ABCA10: variants seen among roughly 807,000 people sequenced by gnomAD.
The protein encoded by ABCA10 is ATP-binding cassette sub-family A member 10.
ABCA10 carries 169 observed loss-of-function variants against 187.5 expected under a neutral mutation model. The observed-to-expected ratio is 0.90, with a 90% confidence interval of 0.80 to 1.02. The LOEUF is 1.02. Ranked by LOEUF, ABCA10 falls within the 50% of genes least tolerant of loss-of-function variation. The probability of loss-of-function intolerance (pLI) is 0.00; values close to 1 mark genes in which losing one functional copy is unlikely to be tolerated. For synonymous variants in ABCA10, 574 were observed against 601.8 expected (o/e 0.95, Z 0.68); for missense variants, 1,727 against 1,812.4 (o/e 0.95, Z 0.86).
Position 69,152,066 on chromosome 17 carries a change from G to A in ABCA10, c.4374C>T (p.Phe1458=). The stretch of plus-strand genomic sequence containing the variant: ...ACCTTTCCTGCCAAGCAGCCTGTGG[G>A]AAAAGCTTCAAAATCTCTGTGTGGA... The part of the protein sequence containing the change: ...EALHTEILKL[F]PQAAWQERYS... Residue 1458 remains phenylalanine (F), a synonymous_variant, in exon 36 of 39, where the codon TTC becomes TTT. Coordinates refer to ENST00000690296, the MANE Select transcript of ABCA10 (RefSeq NM_001377321.1). 1.2e-6 allele frequency: 2 copies of A among 1,611,196 alleles called. No individual in the cohort carries two copies. The highest frequency in any genetic ancestry group is 2.2e-5 in the South Asian group (2 of 90,238).
chr17:69,162,808 T>TATAC (rs1416496054), intron 27 of ABCA10, among the ~76,000 whole-genome samples: 6 of 126,294 alleles, frequency 4.8e-5, no homozygotes, highest in African/African-American at 1.6e-4. Context: ...AAAAATTACA[T>TATAC]ATATACATAT....
intron 9 of ABCA10, among the ~76,000 whole-genome samples, chr17:69,205,660 G>A (rs1253741679): frequency 1.3e-5 from 2 of 152,094 alleles, no homozygotes; most frequent in Admixed American, 6.6e-5. Context: ...TGTGTGTTCT[G>A]GACTAAATAA....
chr17:69,153,232 C>A, intron 34 of ABCA10, 73 bp downstream of exon 34: 5 of 1,512,908 alleles, frequency 3.3e-6, no homozygotes, highest in Non-Finnish European at 4.4e-6. Flanking sequence ...AACAAAGAAA[C>A]AAAACAAAAA....
In ABCA10 at chr17:69,175,346, T is replaced by C. The variant is rs1014499397; in HGVS notation, c.2877+60A>G. On this transcript the variant is annotated intron_variant, in intron 23 of 38. Transcript: ENST00000690296. ...CTGTGTGTGTATAAAACAATAAAATTGCAATTACTACAGTCAAATAAAATC... is the reference window on the plus strand; with the variant it reads ...CTGTGTGTGTATAAAACAATAAAATCGCAATTACTACAGTCAAATAAAATC... 2.8e-6 allele frequency: 4 copies of C among 1,427,810 alleles called. No individual in the cohort carries two copies. In the African/African-American group the frequency reaches 5.7e-5, roughly 20 times the overall value. The allele number at this position is 1,427,810 out of a possible 1,614,324, so 88.4% of individuals were successfully genotyped here.
Position 69,193,857 on chromosome 17 carries a change from A to T in ABCA10, c.1478T>A (p.Phe493Tyr), listed in dbSNP as rs1318814475. The part of the protein sequence containing the change: ...FLTVRENLRV[F>Y]AKIKGIQPKE... ...TGGCTGAATCCCTTTTATTTTAGCA[A>T]ATACCCTGAGGTTTTCTCTCACAGT... Residue 493 changes from phenylalanine to tyrosine, a missense_variant, in exon 13 of 39, where the codon TTT becomes TAT. Phe to Tyr is a conservative substitution (Grantham distance 22, BLOSUM62 3). Transcript: ENST00000690296. 6.2e-7 allele frequency: 1 copy of T among 1,613,600 alleles called. No individual in the cohort carries two copies. Among genetic ancestry groups the T allele is most frequent in the Admixed American group, 1.7e-5 (1 of 59,992 alleles).
At chr17:69,239,845 G>T (rs568446942) in intron 1 of ABCA10, among the ~76,000 whole-genome samples, 1 of 152,082 alleles carries the variant, frequency 6.6e-6, no homozygotes, top group Non-Finnish European at 1.5e-5. Context: ...TTCCTTGTTC[G>T]TTTGAATTTA....
At chr17:69,187,429 G>A (rs182032816) in intron 19 of ABCA10, among the ~76,000 whole-genome samples, 32 of 152,220 alleles carry the variant, frequency 2.1e-4, no homozygotes, top group African/African-American at 7.2e-4. Flanking sequence ...CAGGGAGACA[G>A]ATTTGAGCTG....
intron 27 of ABCA10, among the ~76,000 whole-genome samples, chr17:69,162,679 G>A (rs752972158): frequency 2.6e-5 from 4 of 151,966 alleles, no homozygotes; most frequent in Non-Finnish European, 5.9e-5. Context: ...AGTTAGTAAC[G>A]TAAAAGATAC....
chr17:69,199,336 ATC>A (rs2144814147), intron 10 of ABCA10, among the ~76,000 whole-genome samples: 1 of 152,292 alleles, frequency 6.6e-6, no homozygotes, highest in Non-Finnish European at 1.5e-5. Flanking sequence ...ACTATCATTA[ATC>A]TCTGTATCCT....
At position 69,174,607 on chromosome 17, in the gene ABCA10, C is replaced by A; in HGVS notation, c.3048G>T (p.Leu1016Phe). The A allele has an allele frequency of 6.3e-7, 1 of 1,586,186 alleles. No individual in the cohort carries two copies. The highest frequency in any genetic ancestry group is 8.5e-7 in the Non-Finnish European group (1 of 1,169,766). Residue 1016 changes from leucine to phenylalanine, a missense_variant and splice_region_variant, in exon 24 of 39, where the codon TTG (leucine) becomes TTT (phenylalanine). Coordinates refer to ENST00000690296, the MANE Select transcript of ABCA10 (RefSeq NM_001377321.1). ...GCTTGTGGAAAAAATGATCACTTACCAAAACAAACATGAGTTCCCATGAAA... is the reference window on the plus strand; with the variant it reads ...GCTTGTGGAAAAAATGATCACTTACAAAAACAAACATGAGTTCCCATGAAA... ...FQLSWELMFV[L>F]VVCIIGCAVS...
intron 9 of ABCA10, among the ~76,000 whole-genome samples, chr17:69,203,105 A>G (rs2074560372): frequency 6.6e-6 from 1 of 152,224 alleles, no homozygotes; most frequent in South Asian, 2.1e-4. Flanking sequence ...AATATATGGG[A>G]AAGAATGGAA....
chr17:69,223,009 G>T (rs957180323), intron 3 of ABCA10, among the ~76,000 whole-genome samples: 3 of 151,122 alleles, frequency 2.0e-5, no homozygotes, highest in African/African-American at 7.3e-5. Context: ...ATGACCATGT[G>T]CATATTTGCC....
chr17:69,158,080 A>T (rs1568049913), intron 27 of ABCA10, among the ~76,000 whole-genome samples: 1 of 152,014 alleles, frequency 6.6e-6, no homozygotes, highest in Admixed American at 6.6e-5. Context: ...AGCTCTCAGT[A>T]ACTCAGGAAT....
chr17:69,154,905 C>A, intron 30 of ABCA10, 114 bp downstream of exon 30: 1 of 650,170 alleles, frequency 1.5e-6, no homozygotes. Context: ...TATAATTACA[C>A]ATTAACCAGG....
At chr17:69,219,475 T>C (rs2074729637) in intron 6 of ABCA10, 70 bp downstream of exon 6, 2 of 1,224,034 alleles carry the variant, frequency 1.6e-6, no homozygotes, top group Non-Finnish European at 2.2e-6. Context: ...TGCGTCCAAT[T>C]TTTTAAGAAC....
At chr17:69,209,490 T>C (rs2074620103) in intron 9 of ABCA10, among the ~76,000 whole-genome samples, 1 of 152,160 alleles carries the variant, frequency 6.6e-6, no homozygotes, top group South Asian at 2.1e-4. Flanking sequence ...GATAGTACAA[T>C]AAAGATTAAG....
intron 9 of ABCA10, among the ~76,000 whole-genome samples, chr17:69,213,095 T>C (rs2074672704): frequency 6.6e-6 from 1 of 152,176 alleles, no homozygotes; most frequent in Non-Finnish European, 1.5e-5. Context: ...TTATCTGTTG[T>C]TTTCTCCTTC....
Position 69,193,533 on chromosome 17 carries a change from C to T in ABCA10, c.1601G>A (p.Arg534Lys), listed in dbSNP as rs1316303724. 6.2e-7 allele frequency: 1 copy of T among 1,613,630 alleles called. No homozygotes were observed. Among genetic ancestry groups the T allele is most frequent in the South Asian group, 1.1e-5 (1 of 91,004 alleles). The change falls in exon 14 of 39, where the codon AGA becomes AAA. Residue 534 changes from arginine to lysine, a missense_variant. By Grantham distance (26) the Arg-to-Lys change is conservative. Transcript: ENST00000690296. ...IAKKLSGGQK[R>K]KLTLGIAILG... ...GATGGCAATCCCTAGTGTTAGTTTT[C>T]TCTTCTGCCCACCACTTAATTTTTT...
intron 22 of ABCA10, among the ~76,000 whole-genome samples, chr17:69,180,439 G>A (rs2074371185): frequency 2.0e-5 from 3 of 152,078 alleles, no homozygotes; most frequent in Admixed American, 2.0e-4. Context: ...AATAAATTAG[G>A]AGGGTCTTTA....
Sources: allele counts gnomAD v4.1 joint callset (sites outside exome capture counted in the v4.1 genomes callset), GRCh38; gene constraint gnomAD v4.1.1; transcripts MANE v1.5; gene names NCBI Gene and HGNC (gene_info 2026-07-23, HGNC 2026-07-21).